Variants in KMT2C observed in about 807,000 individuals in gnomAD.
KMT2C encodes lysine methyltransferase 2C, also known as histone-lysine N-methyltransferase 2C.
KMT2C carries 88 observed loss-of-function variants against 507.9 expected under a neutral mutation model. The ratio of observed to expected loss-of-function variants is 0.17; its 90% CI spans 0.15 to 0.21. KMT2C has a LOEUF of 0.21. Ranked by LOEUF, KMT2C falls within the 10% of genes least tolerant of loss-of-function variation. KMT2C has a pLI of 1.00. For missense variants in KMT2C, 4,954 were observed against 5,957.8 expected (o/e 0.83, Z 5.55); for synonymous variants, 2,049 against 2,080.8 (o/e 0.98, Z 0.42).
chr7:152,411,649 A>T (rs76916807), intron 1 of KMT2C, among the ~76,000 whole-genome samples: 1 of 134,404 alleles, frequency 7.4e-6, no homozygotes, highest in African/African-American at 2.7e-5. Flanking sequence ...ACTCTGCTAC[A>T]GCCAGCCAGT....
intron 1 of KMT2C, among the ~76,000 whole-genome samples, chr7:152,433,115 T>C (rs971128692): frequency 6.7e-6 from 1 of 149,526 alleles, no homozygotes; most frequent in Non-Finnish European, 1.5e-5. Context: ...ACCACTGCAC[T>C]ACAGCCTGGG....
At chr7:152,384,557 C>CTA (rs2097403866) in intron 1 of KMT2C, among the ~76,000 whole-genome samples, 23 of 96,902 alleles carry the variant, frequency 2.4e-4, no homozygotes, top group African/African-American at 5.2e-4. Context: ...AACACCACCA[C>CTA]CACCACCACC....
At chr7:152,389,947 G>T (rs2097476909) in intron 1 of KMT2C, among the ~76,000 whole-genome samples, 1 of 152,216 alleles carries the variant, frequency 6.6e-6, no homozygotes, top group South Asian at 2.1e-4. Flanking sequence ...TATCCTAAAA[G>T]AAGTAACTCA....
chr7:152,282,361 T>C (rs1399296433), intron 6 of KMT2C, among the ~76,000 whole-genome samples: 2 of 151,352 alleles, frequency 1.3e-5, no homozygotes, highest in Non-Finnish European at 2.9e-5. Flanking sequence ...CATAAAATAC[T>C]CTCAGTGTCA....
chr7:152,172,567 G>T (rs2093013039), intron 39 of KMT2C, among the ~76,000 whole-genome samples: 1 of 152,150 alleles, frequency 6.6e-6, no homozygotes. Context: ...ATGGTGGCAC[G>T]TGCCTGTGAT....
rs1342595295 is a variant in KMT2C at position 152,248,078 on chromosome 7, T to G, written c.2356A>C (p.Thr786Pro). ...ISKADVSSSP[T>P]PSSDLPSHDM... ...TGCGAAGGCAAGTCTGAAGAAGGTG[T>G]TGGGGAGGAAGACACATCTGCCTTG... The change falls in exon 14 of 59, where the codon ACA (threonine) becomes CCA (proline). Residue 786 changes from threonine (T) to proline (P), a missense_variant. Thr to Pro is a conservative substitution (Grantham distance 38, BLOSUM62 -1). This residue lies in a region of KMT2C where 20 missense variants were observed against 53.1 expected (regional missense o/e 0.38). Transcript: ENST00000262189. The G allele has an allele frequency of 6.2e-7, 1 of 1,614,244 alleles. No individual in the cohort carries two copies. Among genetic ancestry groups the G allele is most frequent in the Non-Finnish European group, 8.5e-7 (1 of 1,180,014 alleles).
intron 36 of KMT2C, among the ~76,000 whole-genome samples, 156 bp downstream of exon 36, chr7:152,180,555 A>C (rs935878525): frequency 2.6e-5 from 4 of 152,230 alleles, no homozygotes; most frequent in African/African-American, 9.6e-5. Context: ...ACTGGTGTTA[A>C]TTTCATCAAT....
intron 1 of KMT2C, among the ~76,000 whole-genome samples, chr7:152,389,400 G>T (rs2097468657): frequency 6.6e-6 from 1 of 150,412 alleles, no homozygotes. Context: ...CTCAGTTTGT[G>T]GTATTTTGTT....
rs183551704 is a variant in KMT2C at position 152,358,567 on chromosome 7, A to G, written c.250+20T>C. On this transcript the variant is annotated intron_variant, in intron 2 of 58. Transcript: ENST00000262189. ...GCAAAGCATCATTATACATTCTTAT[A>G]AATTCTTGAGTTCTGATACCTGTTT... The G allele has an allele frequency of 6.8e-7, 1 of 1,463,596 alleles. No individual in the cohort carries two copies. Among genetic ancestry groups the G allele is most frequent in the Non-Finnish European group, 9.6e-7 (1 of 1,045,238 alleles). The allele number at this position is 1,463,596 out of a possible 1,614,324, so 90.7% of individuals were successfully genotyped here.
chr7:152,151,575 G>C lies in KMT2C; in HGVS notation c.12533C>G (p.Ser4178Cys), dbSNP rs547036242. Residue 4178 changes from serine to cysteine, a missense_variant, in exon 50 of 59, where the codon TCT becomes TGT. This residue lies in a region of KMT2C where 417 missense variants were observed against 461.1 expected (regional missense o/e 0.90). Transcript: ENST00000262189. Reference sequence around the variant, plus strand: ...ACCATGACTAGAATCCTTATATCCAGAAAGACCTAAAGGCAATCAACTTTT... The same window carrying C: ...ACCATGACTAGAATCCTTATATCCACAAAGACCTAAAGGCAATCAACTTTT... ...VPFPPTSNGL[S>C]GYKDSSHGIA... is the part of the protein sequence containing the mutation. 5 of 1,613,446 alleles carry C rather than the reference G, an allele frequency of 3.1e-6. No homozygotes were observed. The South Asian group carries it at 4.4e-5, about 14-fold the overall frequency.
intron 6 of KMT2C, among the ~76,000 whole-genome samples, chr7:152,307,278 A>AAAGG (rs35363127): frequency 0.18 from 19,806 of 107,210 alleles, 1,940 homozygotes; most frequent in East Asian, 0.25. Flanking sequence ...AGGAAGAAAG[A>AAAGG]AAGGAAGGAA....
intron 1 of KMT2C, among the ~76,000 whole-genome samples, chr7:152,363,881 T>C (rs546492752): frequency 3.3e-5 from 5 of 152,324 alleles, no homozygotes; most frequent in African/African-American, 1.2e-4. Flanking sequence ...AGAGAGCAAT[T>C]ACAGAAGAAC....
Position 152,154,055 on chromosome 7 carries a change from T to A in KMT2C, c.12231A>T (p.Ser4077=), listed in dbSNP as rs1371315271. ...GAGTAATTGCTACAGATATAAGACC[T>A]GATCTGGGACCATTTGGGGAAGGAC... ...PFGPSPNGPR[S]GLISVAITLH... The change falls in exon 48 of 59, where the codon TCA becomes TCT. Residue 4077 remains serine, a synonymous_variant. Coordinates refer to ENST00000262189, the MANE Select transcript of KMT2C (RefSeq NM_170606.3). The A allele has an allele frequency of 6.2e-7, 1 of 1,614,106 alleles. No individual in the cohort carries two copies. The highest frequency in any genetic ancestry group is 1.7e-5 in the Admixed American group (1 of 60,020).
chr7:152,250,066 T>C (rs2095539678), intron 12 of KMT2C, 113 bp from the exon 13 acceptor site: 1 of 642,720 alleles, frequency 1.6e-6, no homozygotes, highest in Admixed American at 2.4e-5. Flanking sequence ...ATTTCCAATA[T>C]AAGCATGAAA....
chr7:152,255,114 T>TATATATATATAC (rs2095627921), intron 9 of KMT2C, among the ~76,000 whole-genome samples: 9 of 89,780 alleles, frequency 1.0e-4, no homozygotes, highest in African/African-American at 8.3e-4. Context: ...CTCACTTATA[T>TATATATATATAC]ATATATATAT....
In KMT2C at chr7:152,177,579, A is replaced by G. The variant is rs2129115036; in HGVS notation, c.7874T>C (p.Leu2625Ser). The G allele has an allele frequency of 6.2e-7, 1 of 1,614,206 alleles. No homozygotes were observed. The highest frequency in any genetic ancestry group is 8.5e-7 in the Non-Finnish European group (1 of 1,180,026). The change falls in exon 38 of 59, where the codon TTG becomes TCG. Residue 2625 changes from leucine (L) to serine (S), a missense_variant. Coordinates refer to ENST00000262189, the MANE Select transcript of KMT2C (RefSeq NM_170606.3). ...LPNQLPVHPDLEQVPPSQQEQ... is the reference protein window; with the variant it reads ...LPNQLPVHPDSEQVPPSQQEQ... ...TTGTTGAGATGGTGGCACTTGTTCC[A>G]AATCTGGGTGCACAGGTAGCTGATT...
chr7:152,397,840 G>A (rs888314292), intron 1 of KMT2C, among the ~76,000 whole-genome samples: 1 of 152,130 alleles, frequency 6.6e-6, no homozygotes, highest in Non-Finnish European at 1.5e-5. Flanking sequence ...CATGCCTTCT[G>A]CTGTGAGTGT....
rs2129135586 is a variant in KMT2C, at chr7:152,202,943, G to A, written c.4083C>T (p.Ala1361=). 1 of 1,596,034 alleles carries A rather than the reference G, an allele frequency of 6.3e-7. No homozygotes were observed. Among genetic ancestry groups the A allele is most frequent in the Non-Finnish European group, 8.6e-7 (1 of 1,167,114 alleles). Residue 1361 remains alanine, a synonymous_variant, in exon 26 of 59, where the codon GCC becomes GCT. Coordinates refer to ENST00000262189, the MANE Select transcript of KMT2C (RefSeq NM_170606.3). ...TAAAGCAAAATATTACTTGTAAATA[G>A]GCAGGGAAAGTTTCTTCAAGCTTAT... ...RKNKLEETFP[A]YLQEAFFGKD...
At position 152,363,414 on chromosome 7, in the gene KMT2C, C is replaced by G. The variant is rs1445182895; in HGVS notation, c.162-4739G>C. Among the ~76,000 whole-genome samples, 12 of 152,190 alleles carry G rather than the reference C, an allele frequency of 7.9e-5. 1 individual carries two copies. The highest frequency in any genetic ancestry group is 7.9e-4 in the Admixed American group (12 of 15,274). On this transcript the variant is annotated intron_variant, in intron 1 of 58. Transcript: ENST00000262189. ...TATTAATCTCAGAATCTGAAACCAACTTGAGTTCCTAAAGTAACATAGGAG... is the reference window on the plus strand; with the variant it reads ...TATTAATCTCAGAATCTGAAACCAAGTTGAGTTCCTAAAGTAACATAGGAG...
Sources: allele counts gnomAD v4.1 joint callset (sites outside exome capture counted in the v4.1 genomes callset), GRCh38; gene constraint gnomAD v4.1.1; regional missense constraint gnomAD v4.1.1; transcripts MANE v1.5; gene names NCBI Gene and HGNC (gene_info 2026-07-23, HGNC 2026-07-21).